NFXL1: variants seen among roughly 807,000 people sequenced by gnomAD.
The protein encoded by NFXL1 is NF-X1-type zinc finger protein NFXL1.
NFXL1 carries 66 observed loss-of-function variants against 123.3 expected under a neutral mutation model. The observed-to-expected ratio is 0.54, with a 90% CI of 0.44 to 0.66. The LOEUF (loss-of-function observed/expected upper bound fraction) is 0.66, where lower values mean the gene tolerates loss of function less well. Among genes scored for constraint, NFXL1 ranks in the 30% least tolerant of loss-of-function variants. The pLI, the probability that NFXL1 is intolerant of heterozygous loss-of-function variation, is 0.00. For synonymous variants in NFXL1, 346 were observed against 360.8 expected, an observed-to-expected ratio of 0.96 and a Z score of 0.46; for missense variants, 944 against 1,125.6, an observed-to-expected ratio of 0.84 and a Z score of 2.31.
At chr4:47,855,793 A>G (rs1734377186) in intron 19 of NFXL1, among the ~76,000 whole-genome samples, 1 of 152,142 alleles carries the variant, frequency 6.6e-6, no homozygotes, top group South Asian at 2.1e-4. Context: ...AGGTAGCCAA[A>G]ACAACTCAGT....
Position 47,910,964 on chromosome 4 carries a change from A to T in NFXL1, c.266T>A (p.Ile89Asn), listed in dbSNP as rs368981622. ...ELMSQKKFEE[I>N]KKANQAAARK... ...GGCTGCAGCTTGGTTAGCTTTCTTG[A>T]TTTCTTCAAATTTTTTCTGAGACAT... Residue 89 changes from isoleucine (I) to asparagine (N), a missense_variant, in exon 3 of 23, where the codon ATC (isoleucine) becomes AAC (asparagine). Coordinates refer to ENST00000507489, the MANE Select transcript of NFXL1 (RefSeq NM_001278624.2). The T allele has an allele frequency of 2.4e-5, 38 of 1,602,514 alleles. No individual in the cohort carries two copies. In the East Asian group the frequency reaches 2.5e-4, roughly 10 times the overall value.
chr4:47,911,197 A>G (rs922817661), intron 2 of NFXL1, among the ~76,000 whole-genome samples: 60 of 152,352 alleles, frequency 3.9e-4, no homozygotes, highest in African/African-American at 1.4e-3. Context: ...CACTTTTCTA[A>G]GTATCCTGCT....
At position 47,885,842 on chromosome 4, in the gene NFXL1, A is replaced by T. The variant is rs766365885; in HGVS notation, c.1664+37T>A. On this transcript the variant is annotated intron_variant, in intron 13 of 22. Coordinates refer to ENST00000507489, the MANE Select transcript of NFXL1 (RefSeq NM_001278624.2). The stretch of plus-strand genomic sequence containing the variant: ...GCCAATATGAATTTAAATTTGTACA[A>T]CATCAGATGGAAGCTTGTGCAAAGC... 5 of 1,588,096 alleles carry T rather than the reference A, an allele frequency of 3.1e-6. No homozygotes were observed. In the African/African-American group the frequency reaches 6.8e-5, roughly 22 times the overall value.
chr4:47,874,906 T>C (rs116550091), intron 18 of NFXL1, among the ~76,000 whole-genome samples: 1,726 of 152,280 alleles, frequency 0.011, 44 homozygotes, highest in African/African-American at 0.039. Context: ...CAAAATCTTA[T>C]ACAGAATCCC....
intron 3 of NFXL1, among the ~76,000 whole-genome samples, chr4:47,906,843 C>T (rs959918924): frequency 6.6e-6 from 1 of 152,122 alleles, no homozygotes; most frequent in Non-Finnish European, 1.5e-5. Flanking sequence ...CACATCACAG[C>T]GGATAGCATG....
At chr4:47,871,720 T>C (rs1254420924) in intron 18 of NFXL1, among the ~76,000 whole-genome samples, 1 of 152,168 alleles carries the variant, frequency 6.6e-6, no homozygotes, top group Non-Finnish European at 1.5e-5. Flanking sequence ...AGACTAAAAA[T>C]TATAATACTT....
At position 47,905,341 on chromosome 4, in the gene NFXL1, C is replaced by T; in HGVS notation, c.412G>A (p.Asp138Asn). The change falls in exon 4 of 23, where the codon GAT (aspartate) becomes AAT (asparagine). Residue 138 changes from aspartate to asparagine, a missense_variant. Physicochemically the swap from Asp to Asn is conservative, Grantham distance 23. Around this residue, in one of 4 missense-constraint regions of NFXL1, gnomAD observed 303 missense variants for 292.1 expected, o/e 1.04. Coordinates refer to ENST00000507489, the MANE Select transcript of NFXL1 (RefSeq NM_001278624.2). ...TTTGTTCGCTCTAATTCACGTGTAT[C>T]TCCATCTGGAAATTTAAAGATTGAA... ...FITYTTQTDG[D>N]TRELERTKQY... 1 of 1,516,948 alleles carries T rather than the reference C, an allele frequency of 6.6e-7. No individual in the cohort carries two copies. The highest frequency in any genetic ancestry group is 9.1e-7 in the Non-Finnish European group (1 of 1,095,410). The allele number at this position is 1,516,948 out of a possible 1,614,324, so 94.0% of individuals were successfully genotyped here.
chr4:47,867,040 CTTTGCTGACTGTGCCTCCTACCCT>C (rs1735128817), intron 18 of NFXL1, among the ~76,000 whole-genome samples: 2 of 152,194 alleles, frequency 1.3e-5, no homozygotes, highest in African/African-American at 4.8e-5. Context: ...TGCCTTTTCC[CTTTGCTGACTGTGCCTCCTACCCT>C]TTTGCTGTAA....
At chr4:47,895,176 T>C (rs963695618) in intron 10 of NFXL1, among the ~76,000 whole-genome samples, 9 of 152,188 alleles carry the variant, frequency 5.9e-5, no homozygotes, top group Non-Finnish European at 1.0e-4. Flanking sequence ...ATAGATGTGC[T>C]GTCATCTAGG....
At chr4:47,911,646 T>C (rs1737835180) in intron 2 of NFXL1, among the ~76,000 whole-genome samples, 1 of 152,240 alleles carries the variant, frequency 6.6e-6, no homozygotes, top group Non-Finnish European at 1.5e-5. Flanking sequence ...ATGGAAAACA[T>C]GTTTCTTCCA....
At chr4:47,898,728 C>A in intron 8 of NFXL1, 29 bp downstream of exon 8, 1 of 1,145,152 alleles carries the variant, frequency 8.7e-7, no homozygotes, top group Non-Finnish European at 1.3e-6. Flanking sequence ...CTCTTTAATA[C>A]CCACCCCTCA....
chr4:47,896,876 A>G (rs938735035), intron 9 of NFXL1, among the ~76,000 whole-genome samples: 2 of 152,242 alleles, frequency 1.3e-5, no homozygotes, highest in Non-Finnish European at 2.9e-5. Flanking sequence ...CTCAAGAAAC[A>G]CATTTTTATG....
In NFXL1 at chr4:47,909,235, A is replaced by G. The variant is rs183516370; in HGVS notation, c.406+1589T>C. Among the ~76,000 whole-genome samples, 3 of 152,318 alleles carry G rather than the reference A, an allele frequency of 2.0e-5. No individual in the cohort carries two copies. The East Asian group carries it at 5.8e-4, about 29-fold the overall frequency. ...ATGTCAAACATCCTACAGCCAAGTA[A>G]CAAAGCCAAGAATCAAACCGTAGCA... On this transcript the variant is annotated intron_variant, in intron 3 of 22. Coordinates refer to ENST00000507489, the MANE Select transcript of NFXL1 (RefSeq NM_001278624.2).
chr4:47,878,279 A>G (rs1735873956), intron 17 of NFXL1, among the ~76,000 whole-genome samples: 1 of 152,038 alleles, frequency 6.6e-6, no homozygotes, highest in African/African-American at 2.4e-5. Flanking sequence ...GTATTAACAC[A>G]GGTACAGTAT....
In NFXL1 at chr4:47,859,864, AAAAAAAC is replaced by A. The variant is rs1452928890; in HGVS notation, c.2316+2975_2316+2981del. Among the ~76,000 whole-genome samples the A allele has an allele frequency of 7.1e-3, 260 of 36,736 alleles. 25 individuals are homozygous for A. The highest frequency in any genetic ancestry group is 0.017 in the South Asian group (18 of 1,078). The allele number at this position is 36,736 out of a possible 152,430, so 24.1% of individuals were successfully genotyped here. On this transcript the variant is annotated intron_variant, in intron 19 of 22. Coordinates refer to ENST00000507489, the MANE Select transcript of NFXL1 (RefSeq NM_001278624.2). ...CTCAAAAAAAAAAAAAAAAAAAAAA[AAAAAAAC>A]AAACAAACAAAAAAAGTAGAAATAC...
At chr4:47,898,312 T>C (rs1327915697) in intron 8 of NFXL1, among the ~76,000 whole-genome samples, 2 of 152,146 alleles carry the variant, frequency 1.3e-5, no homozygotes, top group Non-Finnish European at 2.9e-5. Flanking sequence ...ATTTTAAAAG[T>C]ACAATACAGA....
intron 12 of NFXL1, among the ~76,000 whole-genome samples, 155 bp downstream of exon 12, chr4:47,890,458 G>A (rs1232308375): frequency 2.0e-5 from 3 of 151,984 alleles, no homozygotes; most frequent in Non-Finnish European, 4.4e-5. Flanking sequence ...TAGAGACACT[G>A]GCAAACTGCC....
intron 18 of NFXL1, among the ~76,000 whole-genome samples, chr4:47,868,990 G>A (rs1166793774): frequency 6.6e-6 from 1 of 152,184 alleles, no homozygotes; most frequent in Non-Finnish European, 1.5e-5. Context: ...GGAAGCTGAG[G>A]CAGGAGGGTC....
At chr4:47,864,624 A>T (rs1036157331) in intron 18 of NFXL1, among the ~76,000 whole-genome samples, 2 of 152,174 alleles carry the variant, frequency 1.3e-5, no homozygotes, top group Non-Finnish European at 2.9e-5. Flanking sequence ...ATGAGTGTCC[A>T]TACTTCAATC....
Sources: allele counts gnomAD v4.1 joint callset (sites outside exome capture counted in the v4.1 genomes callset), GRCh38; gene constraint gnomAD v4.1.1; regional missense constraint gnomAD v4.1.1; transcripts MANE v1.5; gene names NCBI Gene and HGNC (gene_info 2026-07-23, HGNC 2026-07-21).